Variants in PAX3 observed in about 807,000 individuals in gnomAD.
PAX3 encodes paired box protein Pax-3.
Under a neutral mutation model 51.6 loss-of-function variants are expected in PAX3, and 14 were observed. That is an observed-to-expected ratio of 0.27 (90% confidence interval 0.18 to 0.42). The LOEUF (loss-of-function observed/expected upper bound fraction) is 0.42. PAX3 is among the 10% of genes least tolerant of loss of function. The pLI, the probability that PAX3 is intolerant of heterozygous loss-of-function variation, is 1.00. For synonymous variants in PAX3, 280 were observed against 253.4 expected, an observed-to-expected ratio of 1.11 and a Z score of -1.00; for missense variants, 540 against 642.8, an observed-to-expected ratio of 0.84 and a Z score of 1.73.
intron 4 of PAX3, among the ~76,000 whole-genome samples, chr2:222,259,535 T>C (rs1693766634): frequency 6.6e-6 from 1 of 152,152 alleles, no homozygotes; most frequent in Non-Finnish European, 1.5e-5. Context: ...AGCAGAGAAG[T>C]GACATTGGGA....
chr2:222,275,889 G>A (rs1451633042), intron 4 of PAX3, among the ~76,000 whole-genome samples: 1 of 152,242 alleles, frequency 6.6e-6, no homozygotes, highest in Middle Eastern at 3.2e-3. Flanking sequence ...GAGTGTATAT[G>A]TGTGTGTTTT....
At chr2:222,264,217 A>T (rs906813306) in intron 4 of PAX3, 1 of 152,278 alleles carries the variant, frequency 6.6e-6, no homozygotes, top group African/African-American at 2.4e-5. Context: ...AGCCATAAAA[A>T]GTAATGAAAT....
At chr2:222,280,506 A>C (rs1291389035) in intron 4 of PAX3, among the ~76,000 whole-genome samples, 1 of 152,232 alleles carries the variant, frequency 6.6e-6, no homozygotes, top group African/African-American at 2.4e-5. Context: ...AAATAATATA[A>C]GACAAAGGTA....
chr2:222,217,616 A>C (rs1371945180), intron 7 of PAX3, among the ~76,000 whole-genome samples: 1 of 9,316 alleles, frequency 1.1e-4, no homozygotes, highest in Non-Finnish European at 1.6e-4. Context: ...TCATAACGCT[A>C]TTAGTTATTC....
At chr2:222,273,306 C>G (rs1291680671) in intron 4 of PAX3, among the ~76,000 whole-genome samples, 1 of 152,100 alleles carries the variant, frequency 6.6e-6, no homozygotes, top group Non-Finnish European at 1.5e-5. Flanking sequence ...AAAAATATAA[C>G]CACATGATTT....
intron 7 of PAX3, among the ~76,000 whole-genome samples, chr2:222,218,480 C>A (rs1290782955): frequency 6.6e-6 from 1 of 152,190 alleles, no homozygotes; most frequent in Admixed American, 6.5e-5. Flanking sequence ...CTTGCAGAAG[C>A]AGCTAGGGCA....
chr2:222,224,849 C>A (rs1441119636), intron 5 of PAX3, among the ~76,000 whole-genome samples: 1 of 151,984 alleles, frequency 6.6e-6, no homozygotes, highest in African/African-American at 2.4e-5. Flanking sequence ...TAGAAATTTC[C>A]CCTTGTTTTG....
intron 4 of PAX3, among the ~76,000 whole-genome samples, chr2:222,261,775 T>C (rs916965922): frequency 2.0e-5 from 3 of 152,204 alleles, no homozygotes; most frequent in African/African-American, 7.2e-5. Flanking sequence ...TACAACTATA[T>C]AAATTAAATA....
intron 4 of PAX3, among the ~76,000 whole-genome samples, chr2:222,258,198 G>GA (rs1309852702): frequency 1.3e-5 from 2 of 152,218 alleles, no homozygotes; most frequent in East Asian, 3.9e-4. Flanking sequence ...TATAGTGGTG[G>GA]AAAAAACAAT....
rs558775242 is a variant in PAX3, at chr2:222,288,814, G to A, written c.586+5353C>T. Reference sequence around the variant, plus strand: ...GTTCCTATTTCTTAAAGAGAATTTGGTCAATTCCTCCTTAGAGATTTCAGA... The same window carrying A: ...GTTCCTATTTCTTAAAGAGAATTTGATCAATTCCTCCTTAGAGATTTCAGA... On this transcript the variant is annotated intron_variant, in intron 4 of 8. Coordinates refer to ENST00000392070, the MANE Select transcript of PAX3 (RefSeq NM_181458.4). 1.4e-4 allele frequency among the ~76,000 whole-genome samples: 22 copies of A among 152,266 alleles called. No individual in the cohort carries two copies. The East Asian group carries it at 3.3e-3, about 23-fold the overall frequency.
intron 5 of PAX3, among the ~76,000 whole-genome samples, chr2:222,224,634 G>T (rs888280564): frequency 6.6e-6 from 1 of 151,986 alleles, no homozygotes; most frequent in African/African-American, 2.4e-5. Context: ...CGAACCAAGC[G>T]TAGTGATCCT....
At chr2:222,256,489 T>A (rs1559290098) in intron 4 of PAX3, among the ~76,000 whole-genome samples, 1 of 151,906 alleles carries the variant, frequency 6.6e-6, no homozygotes, top group Non-Finnish European at 1.5e-5. Flanking sequence ...CCACTCCCAC[T>A]GAGACAATCC....
At chr2:222,222,855 G>T (rs1692250242) in intron 5 of PAX3, among the ~76,000 whole-genome samples, 1 of 152,154 alleles carries the variant, frequency 6.6e-6, no homozygotes, top group East Asian at 1.9e-4. Context: ...TTCACATTTG[G>T]AAGCACAGAG....
chr2:222,278,773 T>A (rs1025013899), intron 4 of PAX3, among the ~76,000 whole-genome samples: 4 of 152,222 alleles, frequency 2.6e-5, no homozygotes, highest in Non-Finnish European at 5.9e-5. Context: ...TTTAGGGGCA[T>A]CAGGAACCTA....
At chr2:222,293,956 A>G (rs1695146419) in intron 4 of PAX3, 3 of 1,526,164 alleles carry the variant, frequency 2.0e-6, no homozygotes, top group African/African-American at 1.4e-5. Context: ...GATTTACAAA[A>G]CAGAAAAACT....
intron 4 of PAX3, among the ~76,000 whole-genome samples, chr2:222,255,254 C>G (rs1693596023): frequency 6.6e-6 from 1 of 152,088 alleles, no homozygotes; most frequent in Admixed American, 6.5e-5. Context: ...TGAATGAGGT[C>G]ATTCCACTAT....
At chr2:222,204,649 C>T (rs1253446992) in intron 7 of PAX3, among the ~76,000 whole-genome samples, 2 of 152,002 alleles carry the variant, frequency 1.3e-5, no homozygotes, top group Admixed American at 6.6e-5. Context: ...AGGGAATAAT[C>T]GCACAGGGCA....
chr2:222,272,512 G>A (rs774267140), intron 4 of PAX3, among the ~76,000 whole-genome samples: 1 of 152,168 alleles, frequency 6.6e-6, no homozygotes, highest in African/African-American at 2.4e-5. Context: ...GGCCTTTACC[G>A]TGTATGGCTT....
At chr2:222,277,501 C>A (rs534928741) in intron 4 of PAX3, among the ~76,000 whole-genome samples, 1 of 152,290 alleles carries the variant, frequency 6.6e-6, no homozygotes, top group Non-Finnish European at 1.5e-5. Context: ...AAACACAAAT[C>A]AAGCCTGAGT....
Sources: gnomAD v4.1 joint callset for allele counts (sites outside exome capture counted in the v4.1 genomes callset) on GRCh38, gnomAD v4.1.1 for gene constraint, MANE v1.5 for transcripts, NCBI Gene and HGNC (gene_info 2026-07-23, HGNC 2026-07-21) for gene names.